The following VPS13D variants were observed in gnomAD, a reference collection of about 807,000 sequenced individuals.
VPS13D encodes vacuolar protein sorting 13 homolog D.
VPS13D carries 187 observed loss-of-function variants against 461.9 expected under a neutral mutation model. That is an observed-to-expected ratio of 0.40 (90% CI 0.36 to 0.46). VPS13D has a LOEUF of 0.46. Ranked by LOEUF, VPS13D falls within the 20% of genes least tolerant of loss-of-function variation. VPS13D has a pLI of 0.60. For missense variants in VPS13D, 4,711 were observed against 5,364.9 expected, an observed-to-expected ratio of 0.88 and a Z score of 3.81; for synonymous variants, 1,951 against 1,986.3, an observed-to-expected ratio of 0.98 and a Z score of 0.47.
At chr1:12,267,482 T>C (rs1641308677) in intron 14 of VPS13D, among the ~76,000 whole-genome samples, 3 of 152,172 alleles carry the variant, frequency 2.0e-5, no homozygotes, top group African/African-American at 7.2e-5. Context: ...TCTAAATGGC[T>C]GAGTAGTTAA....
intron 5 of VPS13D, among the ~76,000 whole-genome samples, chr1:12,245,589 T>C (rs1314063457): frequency 1.3e-5 from 2 of 152,188 alleles, no homozygotes; most frequent in East Asian, 3.9e-4. Context: ...CTGGGCTTCG[T>C]GGCATGTACC....
chr1:12,237,259 A>G (rs1010263551), intron 2 of VPS13D, among the ~76,000 whole-genome samples: 6 of 151,716 alleles, frequency 4.0e-5, no homozygotes, highest in African/African-American at 9.7e-5. Flanking sequence ...ACAAAGTAAC[A>G]TGGGAGGATC....
At position 12,480,552 on chromosome 1, in the gene VPS13D, C is replaced by CATTACATGAT. The variant is rs1645700860; in HGVS notation, c.12663-16947_12663-16938dup. On this transcript the variant is annotated intron_variant, in intron 67 of 69. Coordinates refer to ENST00000620676, the MANE Select transcript of VPS13D (RefSeq NM_015378.4). The stretch of plus-strand genomic sequence containing the variant: ...TGGAGCTAACTTACGATCTGGACTC[C>CATTACATGAT]ATTACATGATTGCTAATCCTGAAGT... Among the ~76,000 whole-genome samples, 3 of 152,298 alleles carry CATTACATGAT rather than the reference C, an allele frequency of 2.0e-5. No individual in the cohort carries two copies. The South Asian group carries it at 6.2e-4, about 32-fold the overall frequency.
Position 12,403,884 on chromosome 1 carries a change from A to G in VPS13D, c.11941A>G (p.Ile3981Val), listed in dbSNP as rs759891520. The G allele has an allele frequency of 2.0e-5, 33 of 1,613,160 alleles. No individual in the cohort carries two copies. Among genetic ancestry groups the G allele is most frequent in the South Asian group, 8.8e-5 (8 of 90,854 alleles). The part of the protein sequence containing the change: ...EKTAEQGGTP[I>V]RYYFENLKIS... ...GACAGCTGAGCAAGGTGGAACACCA[A>G]TTCGATACTACTTTGAAAATCTCAA... The change falls in exon 63 of 70, where the codon ATT becomes GTT. Residue 3981 changes from isoleucine to valine, a missense_variant. By Grantham distance (29) the Ile-to-Val change is conservative. Around this residue, in one of 3 missense-constraint regions of VPS13D, gnomAD observed 4,411 missense variants for 4,937.8 expected, o/e 0.89. Transcript: ENST00000620676.
chr1:12,458,613 A>T (rs1409115359), intron 66 of VPS13D, among the ~76,000 whole-genome samples: 1 of 152,070 alleles, frequency 6.6e-6, no homozygotes, highest in Non-Finnish European at 1.5e-5. Context: ...CACTGGAGCA[A>T]ATTTACCCAG....
At chr1:12,317,650 C>T (rs141818979) in intron 30 of VPS13D, among the ~76,000 whole-genome samples, 1,730 of 151,864 alleles carry the variant, frequency 0.011, 27 homozygotes, top group African/African-American at 0.039. Flanking sequence ...GAGGCTGAGG[C>T]GGGAGGATCA....
intron 60 of VPS13D, among the ~76,000 whole-genome samples, chr1:12,388,683 G>A (rs1644381722): frequency 6.6e-6 from 1 of 151,920 alleles, no homozygotes; most frequent in Admixed American, 6.6e-5. Flanking sequence ...TTAGCAAGAT[G>A]GTAGACTCAA....
intron 65 of VPS13D, among the ~76,000 whole-genome samples, chr1:12,439,940 A>G (rs933566157): frequency 3.3e-5 from 5 of 152,160 alleles, no homozygotes; most frequent in Non-Finnish European, 4.4e-5. Flanking sequence ...CTGTTTTCCT[A>G]TGGATGCCTC....
chr1:12,369,196 C>A (rs1186707556), intron 53 of VPS13D, among the ~76,000 whole-genome samples: 1 of 151,710 alleles, frequency 6.6e-6, no homozygotes, highest in Non-Finnish European at 1.5e-5. Context: ...GCCTTTCATT[C>A]AATAGGATAT....
chr1:12,266,270 AAG>A (rs1641263647), intron 13 of VPS13D, among the ~76,000 whole-genome samples: 1 of 152,260 alleles, frequency 6.6e-6, no homozygotes, highest in Non-Finnish European at 1.5e-5. Context: ...GTGGTTTTGA[AAG>A]AAATTCTACT....
chr1:12,468,160 T>TTA (rs546277873), intron 67 of VPS13D, among the ~76,000 whole-genome samples: 2 of 152,344 alleles, frequency 1.3e-5, no homozygotes, highest in South Asian at 4.1e-4. Flanking sequence ...ACACCTAATA[T>TTA]TACATACATA....
At position 12,293,534 on chromosome 1, in the gene VPS13D, C is replaced by T. The variant is rs1642190109; in HGVS notation, c.5863C>T (p.Pro1955Ser). 1.2e-6 allele frequency: 2 copies of T among 1,607,088 alleles called. No individual in the cohort carries two copies. Among genetic ancestry groups the T allele is most frequent in the Admixed American group, 1.7e-5 (1 of 59,442 alleles). ...LIFQTFKYGR[P>S]DPLLRREHDI... ...TATCCTAATTTTTAGATACGGACGG[C>T]CTGACCCTCTGCTCCGGAGAGAACA... Residue 1955 changes from proline to serine, a missense_variant, in exon 24 of 70, where the codon CCT becomes TCT. By Grantham distance (74) the Pro-to-Ser change is moderately conservative (BLOSUM62 -1). This residue lies in a region of VPS13D where 4,411 missense variants were observed against 4,937.8 expected (regional missense o/e 0.89). Coordinates refer to ENST00000620676, the MANE Select transcript of VPS13D (RefSeq NM_015378.4).
At chr1:12,494,781 C>A (rs1645934233) in intron 67 of VPS13D, among the ~76,000 whole-genome samples, 2 of 152,202 alleles carry the variant, frequency 1.3e-5, no homozygotes, top group African/African-American at 4.8e-5. Flanking sequence ...TCCTTTCTGT[C>A]AGGAAGATGG....
intron 23 of VPS13D, among the ~76,000 whole-genome samples, chr1:12,292,926 C>T (rs1385828029): frequency 6.6e-6 from 1 of 152,140 alleles, no homozygotes; most frequent in African/African-American, 2.4e-5. Flanking sequence ...AATTTCCCGC[C>T]TAGCCCAAAA....
chr1:12,379,587 G>C lies in VPS13D; in HGVS notation c.11181G>C (p.Leu3727Phe), dbSNP rs368635164. The change falls in exon 57 of 70, where the codon TTG becomes TTC. Residue 3727 changes from leucine to phenylalanine, a missense_variant. Physicochemically the swap from Leu to Phe is conservative, Grantham distance 22. This residue lies in a region of VPS13D where 4,411 missense variants were observed against 4,937.8 expected (regional missense o/e 0.89). Coordinates refer to ENST00000620676, the MANE Select transcript of VPS13D (RefSeq NM_015378.4). ...AACTGACCTGTGGGTTACATGGGTTGGTCGTCCAGGTCAGTCGTTTTTGAT... is the reference window on the plus strand; with the variant it reads ...AACTGACCTGTGGGTTACATGGGTTCGTCGTCCAGGTCAGTCGTTTTTGAT... The part of the protein sequence containing the change: ...EGKLTCGLHG[L>F]VVQAKGGLSG... The C allele has an allele frequency of 4.6e-5, 74 of 1,612,240 alleles. No individual in the cohort carries two copies. The highest frequency in any genetic ancestry group is 5.9e-5 in the Non-Finnish European group (69 of 1,179,316).
At chr1:12,383,893 A>G (rs948671106) in intron 58 of VPS13D, among the ~76,000 whole-genome samples, 1 of 152,254 alleles carries the variant, frequency 6.6e-6, no homozygotes, top group African/African-American at 2.4e-5. Context: ...GCCCACAGGT[A>G]GCAGAGTGAT....
At chr1:12,320,803 C>T (rs1256547259) in intron 32 of VPS13D, among the ~76,000 whole-genome samples, 1 of 152,214 alleles carries the variant, frequency 6.6e-6, no homozygotes, top group Non-Finnish European at 1.5e-5. Context: ...AGTCTTAGGA[C>T]AACTACATGG....
At chr1:12,326,868 C>T (rs1282591033) in intron 35 of VPS13D, among the ~76,000 whole-genome samples, 1 of 152,112 alleles carries the variant, frequency 6.6e-6, no homozygotes, top group African/African-American at 2.4e-5. Flanking sequence ...TGGTCTCGAT[C>T]TCCTGACCTC....
intron 55 of VPS13D, among the ~76,000 whole-genome samples, chr1:12,377,930 A>G (rs541200640): frequency 3.9e-5 from 6 of 152,300 alleles, no homozygotes; most frequent in Admixed American, 6.5e-5. Flanking sequence ...GACACCATCA[A>G]TATAGTACGC....
Sources: allele counts gnomAD v4.1 joint callset (sites outside exome capture counted in the v4.1 genomes callset), GRCh38; gene constraint gnomAD v4.1.1; regional missense constraint gnomAD v4.1.1; transcripts MANE v1.5; gene names NCBI Gene and HGNC (gene_info 2026-07-23, HGNC 2026-07-21).